The following MCOLN2 variants were observed in gnomAD, a reference collection of about 807,000 sequenced individuals.
The protein encoded by MCOLN2 is mucolipin TRP cation channel 2, also known as mucolipin-2.
Under a neutral mutation model 67.5 loss-of-function variants are expected in MCOLN2, and 57 were observed. That is an observed-to-expected ratio of 0.84 (90% CI 0.68 to 1.05). The LOEUF (loss-of-function observed/expected upper bound fraction) is 1.05, where lower values mean the gene tolerates loss of function less well. Ranked by LOEUF, MCOLN2 falls within the 50% of genes least tolerant of loss-of-function variation. The pLI, the probability that MCOLN2 is intolerant of heterozygous loss-of-function variation, is 0.00. For missense variants in MCOLN2, 620 were observed against 678.8 expected, an observed-to-expected ratio of 0.91 and a Z score of 0.96; for synonymous variants, 246 against 233.3, an observed-to-expected ratio of 1.05 and a Z score of -0.50.
At chr1:84,960,253 GA>G (rs1278482799) in intron 2 of MCOLN2, among the ~76,000 whole-genome samples, 1 of 152,146 alleles carries the variant, frequency 6.6e-6, no homozygotes, top group African/African-American at 2.4e-5. Context: ...AGCGGACTAT[GA>G]AAATGTTACT....
At chr1:84,987,432 G>GTA (rs1290121540) in intron 1 of MCOLN2, among the ~76,000 whole-genome samples, 11 of 91,860 alleles carry the variant, frequency 1.2e-4, no homozygotes, top group Non-Finnish European at 1.8e-4. Context: ...ACCTATATAC[G>GTA]TATATAGATA....
intron 6 of MCOLN2, among the ~76,000 whole-genome samples, chr1:84,949,212 C>T (rs1483383565): frequency 6.6e-6 from 1 of 152,180 alleles, no homozygotes; most frequent in Non-Finnish European, 1.5e-5. Context: ...GAAATCTTCT[C>T]AAGTCTTGGG....
chr1:84,990,778 T>A (rs1182185358), intron 1 of MCOLN2, among the ~76,000 whole-genome samples: 1 of 151,514 alleles, frequency 6.6e-6, no homozygotes, highest in Admixed American at 6.6e-5. Flanking sequence ...TAATTAATAA[T>A]AATAAGCTAG....
intron 1 of MCOLN2, among the ~76,000 whole-genome samples, chr1:84,971,377 A>T (rs982295697): frequency 6.6e-6 from 1 of 152,156 alleles, no homozygotes; most frequent in Non-Finnish European, 1.5e-5. Flanking sequence ...AAAAATTCTG[A>T]TATTTCAAGG....
Position 84,958,665 on chromosome 1 carries a change from G to GT in MCOLN2, c.274_275insA (p.Ala92AspfsTer6), listed in dbSNP as rs1232665027. 7 of 1,591,388 alleles carry GT rather than the reference G, an allele frequency of 4.4e-6. No individual in the cohort carries two copies. The highest frequency in any genetic ancestry group is 4.1e-5 in the African/African-American group (3 of 73,798). The stretch of plus-strand genomic sequence containing the variant: ...AGCAACAGTGTTATCTTCTTTGAAA[G>GT]CAACCACCAGCTGGTTACTTAAACC... On this transcript the variant is annotated frameshift_variant, in exon 3 of 14. Coordinates refer to ENST00000370608, the MANE Select transcript of MCOLN2 (RefSeq NM_153259.4). LOFTEE classifies it high-confidence loss of function.
intron 4 of MCOLN2, among the ~76,000 whole-genome samples, chr1:84,953,970 T>C (rs1424551646): frequency 6.6e-6 from 1 of 152,190 alleles, no homozygotes; most frequent in African/African-American, 2.4e-5. Context: ...TGGCACCTAG[T>C]AGGTGTTCAT....
At chr1:84,937,701 C>A (rs952385843) in intron 11 of MCOLN2, 54 bp downstream of exon 11, 19 of 1,601,858 alleles carry the variant, frequency 1.2e-5, no homozygotes, top group Non-Finnish European at 1.6e-5. Flanking sequence ...TAGAAACCCA[C>A]GTTCAAGGGT....
At chr1:84,991,082 T>C (rs1043571476) in intron 1 of MCOLN2, among the ~76,000 whole-genome samples, 2 of 152,176 alleles carry the variant, frequency 1.3e-5, no homozygotes, top group East Asian at 3.8e-4. Context: ...GTTTTCCATA[T>C]TTTTTTCATT....
rs374640737 is a variant in MCOLN2, at chr1:84,985,880, C to A, written c.77+10916G>T. The stretch of plus-strand genomic sequence containing the variant: ...TGACCATACTGCCAAAAGCAATCTA[C>A]AAGTCCAATGCAATTCCCATCAAAA... On this transcript the variant is annotated intron_variant, in intron 1 of 13. Transcript: ENST00000370608. 4.6e-5 allele frequency among the ~76,000 whole-genome samples: 7 copies of A among 152,116 alleles called. No homozygotes were observed. The East Asian group carries it at 5.8e-4, about 13-fold the overall frequency.
At chr1:84,991,600 G>A (rs1650893598) in intron 1 of MCOLN2, among the ~76,000 whole-genome samples, 1 of 152,138 alleles carries the variant, frequency 6.6e-6, no homozygotes, top group East Asian at 1.9e-4. Flanking sequence ...GAAGCCCCCT[G>A]AAGAAAGGCC....
In MCOLN2 at chr1:84,990,235, T is replaced by A. The variant is rs201247120; in HGVS notation, c.77+6561A>T. Among the ~76,000 whole-genome samples the A allele has an allele frequency of 2.4e-4, 32 of 133,232 alleles. No homozygotes were observed. The East Asian group carries it at 7.4e-3, about 31-fold the overall frequency. The allele number at this position is 133,232 out of a possible 152,430, so 87.4% of individuals were successfully genotyped here. On this transcript the variant is annotated intron_variant, in intron 1 of 13. Coordinates refer to ENST00000370608, the MANE Select transcript of MCOLN2 (RefSeq NM_153259.4). ...ATCGCTTGAACCTGGGAGGCGGAGG[T>A]TGCAGTGAGCTGAGATCGCGCCACT... is the stretch of plus-strand genomic sequence containing the variant.
chr1:84,966,294 G>A (rs947135000), intron 1 of MCOLN2, among the ~76,000 whole-genome samples: 2 of 151,764 alleles, frequency 1.3e-5, no homozygotes, highest in African/African-American at 4.8e-5. Flanking sequence ...AAACAAAATG[G>A]TCAATCTCAA....
At position 84,925,807 on chromosome 1, in the gene MCOLN2, T is replaced by C. The variant is rs561664055; in HGVS notation, c.*878A>G. On this transcript the variant is annotated 3_prime_UTR_variant, in exon 14 of 14. Transcript: ENST00000370608. ...ACTGGCTATGCCAACAGTTGCTTCA[T>C]ATCATGCTGAAGAAAACCCACAGGA... The C allele has an allele frequency of 1.3e-5, 2 of 152,312 alleles. No homozygotes were observed. Among genetic ancestry groups the C allele is most frequent in the East Asian group, 1.9e-4 (1 of 5,184 alleles). 9.4% of individuals were successfully genotyped at this position (152,312 alleles called of 1,614,324 possible).
intron 7 of MCOLN2, among the ~76,000 whole-genome samples, chr1:84,944,039 A>G (rs1343438286): frequency 6.6e-6 from 1 of 152,206 alleles, no homozygotes; most frequent in African/African-American, 2.4e-5. Flanking sequence ...AAATGCAAGG[A>G]CAGCATCTAG....
At chr1:84,932,267 T>G (rs1301482709) in intron 11 of MCOLN2, among the ~76,000 whole-genome samples, 2 of 152,136 alleles carry the variant, frequency 1.3e-5, no homozygotes, top group Non-Finnish European at 2.9e-5. Flanking sequence ...CAGGCTGGAG[T>G]GCAGTGCAAT....
In MCOLN2 at chr1:84,956,431, C is replaced by T. The variant is rs769241037; in HGVS notation, c.565G>A (p.Asp189Asn). 16 of 1,610,302 alleles carry T rather than the reference C, an allele frequency of 9.9e-6. No homozygotes were observed. In the African/African-American group the frequency reaches 1.1e-4, roughly 11 times the overall value. ...TLNIDNDVELDCVQLDLQDLS... is the reference protein window; with the variant it reads ...TLNIDNDVELNCVQLDLQDLS... ...CATCATGAAATTATCACTGCATTAC[C>T]GAGCTCAACGTCGTTGTCAATATTC... The change falls in exon 4 of 14, where the codon GAT becomes AAT. Residue 189 changes from aspartate (D) to asparagine (N), a missense_variant and splice_region_variant. Transcript: ENST00000370608.
intron 7 of MCOLN2, among the ~76,000 whole-genome samples, chr1:84,945,909 C>T (rs569590749): frequency 5.3e-5 from 8 of 151,938 alleles, no homozygotes; most frequent in Non-Finnish European, 1.0e-4. Context: ...CCACCATGCC[C>T]GGCTAATTTT....
In MCOLN2 at chr1:84,996,449, C is replaced by T. The variant is rs145260540; in HGVS notation, c.77+347G>A. Among the ~76,000 whole-genome samples, 170 of 136,294 alleles carry T rather than the reference C, an allele frequency of 1.2e-3. 2 individuals are homozygous for T. In the East Asian group the frequency reaches 0.02, roughly 16 times the overall value. 89.4% of individuals were successfully genotyped at this position (136,294 alleles called of 152,430 possible). A position where few individuals can be genotyped will look rare whatever the true frequency, so the allele number is the denominator to read the frequency against. On this transcript the variant is annotated intron_variant, in intron 1 of 13. Transcript: ENST00000370608. ...ATATATATGTTTGGAGAGCAGGAAACGGGGGAGCCAAGGTCTGTTTGTACT... is the reference window on the plus strand; with the variant it reads ...ATATATATGTTTGGAGAGCAGGAAATGGGGGAGCCAAGGTCTGTTTGTACT...
At chr1:84,929,467 C>G in intron 13 of MCOLN2, 91 bp downstream of exon 13, 1 of 1,364,224 alleles carries the variant, frequency 7.3e-7, no homozygotes, top group Non-Finnish European at 9.8e-7. Context: ...ATAAGCTGGT[C>G]TCTGAATGTA....
Sources: allele counts gnomAD v4.1 joint callset (sites outside exome capture counted in the v4.1 genomes callset), GRCh38; gene constraint gnomAD v4.1.1; transcripts MANE v1.5; gene names NCBI Gene and HGNC (gene_info 2026-07-23, HGNC 2026-07-21).